Variants in DYNC1I1 observed in about 807,000 individuals in gnomAD.
DYNC1I1 encodes dynein cytoplasmic 1 intermediate chain 1, also known as cytoplasmic dynein 1 intermediate chain 1.
In DYNC1I1, 43 loss-of-function variants were observed where a neutral mutation model predicts 86.6. That is an observed-to-expected ratio of 0.50 (90% confidence interval 0.39 to 0.64). The LOEUF (loss-of-function observed/expected upper bound fraction) is 0.64, where lower values mean the gene tolerates loss of function less well. Among genes scored for constraint, DYNC1I1 ranks in the 30% least tolerant of loss-of-function variants. The pLI is 0.00. For synonymous variants in DYNC1I1, 262 were observed against 283.7 expected (o/e 0.92, Z 0.77); for missense variants, 604 against 788.8 (o/e 0.77, Z 2.81).
chr7:95,788,561 G>A (rs933966563), intron 1 of DYNC1I1, among the ~76,000 whole-genome samples: 1 of 152,178 alleles, frequency 6.6e-6, no homozygotes, highest in Non-Finnish European at 1.5e-5. Flanking sequence ...CACACAGGAA[G>A]GGTGATGTGA....
At chr7:95,964,607 T>C (rs1201341819) in intron 6 of DYNC1I1, among the ~76,000 whole-genome samples, 1 of 152,232 alleles carries the variant, frequency 6.6e-6, no homozygotes, top group Admixed American at 6.5e-5. Flanking sequence ...TCTAGAATTC[T>C]CATTCAATTC....
chr7:96,061,219 C>T (rs75728491), intron 14 of DYNC1I1, among the ~76,000 whole-genome samples: 5,628 of 152,204 alleles, frequency 0.037, 112 homozygotes, highest in African/African-American at 0.062. Context: ...ACACTTGGAA[C>T]GCCTGGTCCT....
intron 10 of DYNC1I1, among the ~76,000 whole-genome samples, chr7:96,020,898 A>G (rs1480255276): frequency 6.6e-6 from 1 of 152,170 alleles, no homozygotes; most frequent in Non-Finnish European, 1.5e-5. Flanking sequence ...TCACAAAAGG[A>G]TAAATATTAT....
chr7:95,923,057 G>A (rs1169593774), intron 6 of DYNC1I1, among the ~76,000 whole-genome samples: 2 of 151,576 alleles, frequency 1.3e-5, no homozygotes, highest in South Asian at 2.1e-4. Context: ...ATTTCTTCAG[G>A]GACCTTCTGT....
At chr7:95,794,264 C>T (rs1284769659) in intron 1 of DYNC1I1, among the ~76,000 whole-genome samples, 1 of 152,172 alleles carries the variant, frequency 6.6e-6, no homozygotes, top group Admixed American at 6.5e-5. Flanking sequence ...TTCCAAAATA[C>T]TGCTCTCTAG....
In DYNC1I1 at chr7:95,831,990, T is replaced by G. The variant is rs1788918367; in HGVS notation, c.374+3874T>G. On this transcript the variant is annotated intron_variant, in intron 5 of 16. Coordinates refer to ENST00000447467, the MANE Select transcript of DYNC1I1 (RefSeq NM_001135556.2). ...TTTCTTTTTTTTTATTATTATACTTTAAGTTTTAGCATACATGTGCACATT... is the reference window on the plus strand; with the variant it reads ...TTTCTTTTTTTTTATTATTATACTTGAAGTTTTAGCATACATGTGCACATT... Among the ~76,000 whole-genome samples, 4 of 151,720 alleles carry G rather than the reference T, an allele frequency of 2.6e-5. 1 individual carries two copies. The South Asian group carries it at 8.3e-4, about 32-fold the overall frequency.
At chr7:95,863,998 T>A (rs977673266) in intron 5 of DYNC1I1, among the ~76,000 whole-genome samples, 1 of 152,218 alleles carries the variant, frequency 6.6e-6, no homozygotes, top group African/African-American at 2.4e-5. Context: ...ATAGAATATA[T>A]TTTTTAGAAT....
intron 5 of DYNC1I1, among the ~76,000 whole-genome samples, chr7:95,867,901 T>C (rs1185929438): frequency 1.3e-5 from 2 of 152,242 alleles, no homozygotes; most frequent in African/African-American, 4.8e-5. Flanking sequence ...TTTTCTTCTT[T>C]AGGTGCTTCA....
chr7:95,941,180 C>T (rs11766190), intron 6 of DYNC1I1, among the ~76,000 whole-genome samples: 97,804 of 151,614 alleles, frequency 0.65, 33,167 homozygotes, highest in East Asian at 0.86. Context: ...GCGGAGTACC[C>T]GGCTGTGTGA....
At chr7:95,968,207 G>A (rs1484590776) in intron 6 of DYNC1I1, among the ~76,000 whole-genome samples, 2 of 152,002 alleles carry the variant, frequency 1.3e-5, no homozygotes, top group Non-Finnish European at 2.9e-5. Flanking sequence ...AAGGAGGTGG[G>A]AAATGGAGAG....
At chr7:96,081,005 G>A (rs1348164662) in intron 16 of DYNC1I1, among the ~76,000 whole-genome samples, 2 of 150,666 alleles carry the variant, frequency 1.3e-5, no homozygotes, top group Non-Finnish European at 2.9e-5. Context: ...GGGAGGCAGA[G>A]GTTGCAGTGA....
intron 6 of DYNC1I1, among the ~76,000 whole-genome samples, chr7:95,874,800 G>C (rs1386772850): frequency 6.6e-6 from 1 of 152,236 alleles, no homozygotes; most frequent in Admixed American, 6.5e-5. Flanking sequence ...GGACTTCCCA[G>C]CTTCCAGAAC....
rs58435060 is a variant in DYNC1I1, at chr7:95,954,915, C to CAAAAAAAAAAAAAAA, written c.491-22588_491-22574dup. Among the ~76,000 whole-genome samples the CAAAAAAAAAAAAAAA allele has an allele frequency of 1.8e-3, 144 of 81,852 alleles. 1 individual carries two copies. Among genetic ancestry groups the CAAAAAAAAAAAAAAA allele is most frequent in the Middle Eastern group, 0.014 (2 of 148 alleles). 53.7% of individuals were successfully genotyped at this position (81,852 alleles called of 152,430 possible). ...TGGGCAACAGAGCAAGACTCTGTCT[C>CAAAAAAAAAAAAAAA]AAAAAAAAAAAAAAAAAAAAAAAGA... On this transcript the variant is annotated intron_variant, in intron 6 of 16. Transcript: ENST00000447467.
intron 4 of DYNC1I1, among the ~76,000 whole-genome samples, chr7:95,814,102 T>C (rs996205151): frequency 2.6e-5 from 4 of 152,306 alleles, no homozygotes; most frequent in Non-Finnish European, 5.9e-5. Context: ...CAGGAATTTA[T>C]GTGAGTATGG....
At chr7:95,989,499 A>G (rs1228268071) in intron 9 of DYNC1I1, among the ~76,000 whole-genome samples, 1 of 152,298 alleles carries the variant, frequency 6.6e-6, no homozygotes, top group South Asian at 2.1e-4. Context: ...AGAGTTGGGG[A>G]ATTACACAGG....
chr7:95,968,072 T>C (rs1793062924), intron 6 of DYNC1I1, among the ~76,000 whole-genome samples: 1 of 151,990 alleles, frequency 6.6e-6, no homozygotes, highest in Non-Finnish European at 1.5e-5. Flanking sequence ...ATGAACAAGT[T>C]GTTTGAAGAG....
At position 95,986,972 on chromosome 7, in the gene DYNC1I1, C is replaced by T. The variant is rs540781015; in HGVS notation, c.744-84C>T. 2.4e-6 allele frequency: 3 copies of T among 1,232,308 alleles called. No homozygotes were observed. In the South Asian group the frequency reaches 3.8e-5, roughly 16 times the overall value. 76.3% of individuals were successfully genotyped at this position (1,232,308 alleles called of 1,614,324 possible). On this transcript the variant is annotated intron_variant, in intron 8 of 16. Transcript: ENST00000447467. ...TTTGGCCTCAGAGAGTATTGTGTGC[C>T]AGGCTTTTGCCATATCAGTGCTTCT... is the stretch of plus-strand genomic sequence containing the variant.
intron 7 of DYNC1I1, among the ~76,000 whole-genome samples, chr7:95,982,336 C>T (rs896539971): frequency 5.3e-5 from 8 of 152,072 alleles, no homozygotes; most frequent in African/African-American, 1.7e-4. Flanking sequence ...TAATTTCAAG[C>T]CAAATATTGT....
intron 6 of DYNC1I1, among the ~76,000 whole-genome samples, chr7:95,957,682 C>T (rs1245725323): frequency 1.3e-5 from 2 of 152,136 alleles, no homozygotes; most frequent in Non-Finnish European, 2.9e-5. Flanking sequence ...AGCCTGAAGC[C>T]TTTGTTGGGA....
Sources: allele counts gnomAD v4.1 joint callset (sites outside exome capture counted in the v4.1 genomes callset), GRCh38; gene constraint gnomAD v4.1.1; transcripts MANE v1.5; gene names NCBI Gene and HGNC (gene_info 2026-07-23, HGNC 2026-07-21).